The following SEMA3D variants were observed in gnomAD, a reference collection of about 807,000 sequenced individuals.
SEMA3D encodes the protein semaphorin-3D.
Under a neutral mutation model 100.1 loss-of-function variants are expected in SEMA3D, and 84 were observed. That is an observed-to-expected ratio of 0.84 (90% confidence interval 0.70 to 1.01). The LOEUF is 1.01. SEMA3D is among the 50% of genes least tolerant of loss of function. The pLI, the probability that SEMA3D is intolerant of heterozygous loss-of-function variation, is 0.00. For synonymous variants in SEMA3D, 312 were observed against 320.7 expected (o/e 0.97, Z 0.29); for missense variants, 875 against 934.1 (o/e 0.94, Z 0.82).
chr7:85,176,286 G>T (rs1261746350), intron 1 of SEMA3D, among the ~76,000 whole-genome samples: 4 of 152,082 alleles, frequency 2.6e-5, no homozygotes, highest in East Asian at 1.9e-4. Context: ...CAAGATTCTA[G>T]TAAGAGTCCA....
At chr7:85,225,083 T>C in the SEMA3D span, among the ~76,000 whole-genome samples, 5 of 16,026 alleles carry the variant, frequency 3.1e-4, no homozygotes, top group South Asian at 1.2e-3. Context: ...TATATATATA[T>C]ATATATATAT....
At chr7:85,083,769 C>T (rs1453051761) in intron 4 of SEMA3D, among the ~76,000 whole-genome samples, 1 of 149,922 alleles carries the variant, frequency 6.7e-6, no homozygotes, top group African/African-American at 2.5e-5. Flanking sequence ...ATGGCGTGAA[C>T]CCGGGAGGCG....
At chr7:85,015,014 G>C (rs1194855980) in intron 16 of SEMA3D, 45 bp downstream of exon 16, 1 of 1,459,806 alleles carries the variant, frequency 6.9e-7, no homozygotes, top group Admixed American at 1.7e-5. Context: ...GAGATATTCA[G>C]CTTGTAGAAA....
At chr7:85,002,713 C>T (rs1789686855) in intron 18 of SEMA3D, among the ~76,000 whole-genome samples, 1 of 152,120 alleles carries the variant, frequency 6.6e-6, no homozygotes. Context: ...ATTAAAACCA[C>T]GTTTGAGCTG....
intron 1 of SEMA3D, among the ~76,000 whole-genome samples, chr7:85,161,377 A>G (rs1790739985): frequency 6.6e-6 from 1 of 152,122 alleles, no homozygotes; most frequent in Admixed American, 6.6e-5. Flanking sequence ...GTAAATATAA[A>G]ATATATAAAT....
chr7:85,128,523 A>AT (rs1789630341), intron 2 of SEMA3D, among the ~76,000 whole-genome samples: 1 of 151,974 alleles, frequency 6.6e-6, no homozygotes, highest in African/African-American at 2.4e-5. Flanking sequence ...AAGCCCTTTT[A>AT]TTTTTTAGAA....
chr7:85,218,747 A>T, the SEMA3D span, among the ~76,000 whole-genome samples: 23,288 of 152,064 alleles, frequency 0.15, 4,142 homozygotes, highest in African/African-American at 0.43. Context: ...CCTACCTTTT[A>T]TGGAGACCAA....
intron 2 of SEMA3D, chr7:85,144,596 T>C: frequency 1.0e-6 from 1 of 984,858 alleles, no homozygotes; most frequent in Non-Finnish European, 1.2e-6. Flanking sequence ...TTTATCAGGG[T>C]TTCTAAGAAT....
At chr7:85,216,833 T>A in the SEMA3D span, among the ~76,000 whole-genome samples, 1 of 152,102 alleles carries the variant, frequency 6.6e-6, no homozygotes, top group South Asian at 2.1e-4. Context: ...AATATTTAGT[T>A]TTGTACTTAA....
At chr7:85,246,942 A>G in the SEMA3D span, among the ~76,000 whole-genome samples, 1 of 151,748 alleles carries the variant, frequency 6.6e-6, no homozygotes, top group Non-Finnish European at 1.5e-5. Flanking sequence ...AACAAAATAT[A>G]AAAAGCTAAA....
In SEMA3D at chr7:85,037,703, T is replaced by C. The variant is rs927786909; in HGVS notation, c.1047-670A>G. On this transcript the variant is annotated intron_variant, in intron 11 of 18. Transcript: ENST00000284136. ...CAGTAGCTCATCTGATACTTAATTA[T>C]AATTACACAGGATTAGAGAAAGTAT... 3.9e-5 allele frequency among the ~76,000 whole-genome samples: 6 copies of C among 152,200 alleles called. No individual in the cohort carries two copies. The East Asian group carries it at 7.7e-4, about 20-fold the overall frequency.
Position 85,007,850 on chromosome 7 carries a change from C to T in SEMA3D, c.1769-909G>A, listed in dbSNP as rs548875170. Among the ~76,000 whole-genome samples, 4 of 151,902 alleles carry T rather than the reference C, an allele frequency of 2.6e-5. No homozygotes were observed. The South Asian group carries it at 8.3e-4, about 32-fold the overall frequency. On this transcript the variant is annotated intron_variant, in intron 17 of 18. Coordinates refer to ENST00000284136, the MANE Select transcript of SEMA3D (RefSeq NM_001384900.1). ...GTAAGGTTTAAGGGACCAAGTGAATCCTAAACCTAAGCATACAAATGAGCA... is the reference window on the plus strand; with the variant it reads ...GTAAGGTTTAAGGGACCAAGTGAATTCTAAACCTAAGCATACAAATGAGCA...
intron 17 of SEMA3D, among the ~76,000 whole-genome samples, chr7:85,009,356 CAATT>C (rs1789889487): frequency 6.6e-6 from 1 of 151,470 alleles, no homozygotes; most frequent in Non-Finnish European, 1.5e-5. Context: ...TAGCTTTTAA[CAATT>C]AAAGCAATAA....
At chr7:85,185,241 T>C (rs1014488715) in intron 1 of SEMA3D, among the ~76,000 whole-genome samples, 3 of 151,906 alleles carry the variant, frequency 2.0e-5, no homozygotes, top group Admixed American at 6.6e-5. Flanking sequence ...GGTTACACAA[T>C]AGCAGCAGCA....
chr7:85,173,031 C>A (rs977551740), intron 1 of SEMA3D, among the ~76,000 whole-genome samples: 1 of 151,936 alleles, frequency 6.6e-6, no homozygotes, highest in African/African-American at 2.4e-5. Context: ...TGTAATCACA[C>A]AGTGGAAGTA....
chr7:85,057,582 G>A (rs1791356804), intron 8 of SEMA3D, among the ~76,000 whole-genome samples: 1 of 152,160 alleles, frequency 6.6e-6, no homozygotes, highest in Admixed American at 6.5e-5. Flanking sequence ...TCCTGCAAAT[G>A]TACAGCAATT....
the SEMA3D span, among the ~76,000 whole-genome samples, chr7:85,222,909 A>G: frequency 1.3e-5 from 2 of 152,290 alleles, no homozygotes; most frequent in Non-Finnish European, 2.9e-5. Context: ...TGCATCGGAC[A>G]AAGGACTAAT....
At chr7:85,006,041 T>C (rs1227742755) in intron 18 of SEMA3D, among the ~76,000 whole-genome samples, 1 of 152,018 alleles carries the variant, frequency 6.6e-6, no homozygotes, top group African/African-American at 2.4e-5. Context: ...AGAACCAGTA[T>C]TTTCCAAACA....
chr7:85,013,085 G>A (rs972873456), intron 16 of SEMA3D, among the ~76,000 whole-genome samples: 5 of 151,514 alleles, frequency 3.3e-5, no homozygotes, highest in African/African-American at 7.3e-5. Context: ...ATTTAACTAC[G>A]CTTCTTTTTC....
Sources: allele counts gnomAD v4.1 joint callset (sites outside exome capture counted in the v4.1 genomes callset), GRCh38; gene constraint gnomAD v4.1.1; transcripts MANE v1.5; gene names NCBI Gene and HGNC (gene_info 2026-07-23, HGNC 2026-07-21).